Variants in RAG1 observed in about 807,000 individuals in gnomAD.
RAG1 encodes V(D)J recombination-activating protein 1.
RAG1 carries 35 observed loss-of-function variants against 62.7 expected under a neutral mutation model. The observed-to-expected ratio is 0.56, with a 90% CI of 0.43 to 0.74. The LOEUF is 0.74. Ranked by LOEUF, RAG1 falls within the 30% of genes least tolerant of loss-of-function variation. RAG1 has a pLI of 0.00. For synonymous variants in RAG1, 461 were observed against 470.3 expected, an observed-to-expected ratio of 0.98 and a Z score of 0.26; for missense variants, 1,169 against 1,278.6, an observed-to-expected ratio of 0.91 and a Z score of 1.31.
intron 1 of RAG1, among the ~76,000 whole-genome samples, chr11:36,519,793 A>G (rs1245201285): frequency 6.6e-6 from 1 of 152,102 alleles, no homozygotes; most frequent in East Asian, 1.9e-4. Context: ...AACCAAATGA[A>G]CATAACCCCT....
chr11:36,512,338 G>A (rs1159097708), intron 1 of RAG1, among the ~76,000 whole-genome samples: 1 of 152,240 alleles, frequency 6.6e-6, no homozygotes, highest in Non-Finnish European at 1.5e-5. Flanking sequence ...ATGAAGGGCA[G>A]TTGCCTTGGA....
chr11:36,520,926 T>C (rs761086338), intron 2 of RAG1, among the ~76,000 whole-genome samples: 4 of 151,974 alleles, frequency 2.6e-5, no homozygotes, highest in Non-Finnish European at 5.9e-5. Context: ...ACACTAATTA[T>C]ATGGTTTGGC....
chr11:36,559,916 T>C (rs758470135), intron 3 of RAG1, among the ~76,000 whole-genome samples: 2 of 152,228 alleles, frequency 1.3e-5, no homozygotes, highest in African/African-American at 4.8e-5. Flanking sequence ...GGAGGTGTTA[T>C]GTTTCCCTGC....
rs1564989958 is a variant in RAG1, at chr11:36,575,898, C to T, written c.2594C>T (p.Thr865Ile). ...NFARKLMTKE[T>I]VDAVCELIPS... ...GCCAGGAAGCTCATGACCAAAGAGA[C>T]TGTGGATGCAGTTTGTGAGTTAATT... Residue 865 changes from threonine to isoleucine, a missense_variant, in exon 2 of 2, where the codon ACT (threonine) becomes ATT (isoleucine). Thr to Ile is a moderately conservative substitution (Grantham distance 89). Coordinates refer to ENST00000299440, the MANE Select transcript of RAG1 (RefSeq NM_000448.3). The surrounding 1 kb of genome is among the most constrained non-coding windows in gnomAD (Gnocchi z 4.1). 6.2e-7 allele frequency: 1 copy of T among 1,614,180 alleles called. No individual in the cohort carries two copies. Among genetic ancestry groups the T allele is most frequent in the Admixed American group, 1.7e-5 (1 of 60,026 alleles).
chr11:36,526,673 G>A (rs866941641), intron 2 of RAG1, among the ~76,000 whole-genome samples: 26 of 152,142 alleles, frequency 1.7e-4, no homozygotes, highest in Middle Eastern at 3.2e-3. Flanking sequence ...TTCCACAATG[G>A]TTGAACTAAT....
Position 36,574,789 on chromosome 11 carries a change from A to G in RAG1, c.1485A>G (p.Thr495=), listed in dbSNP as rs1422420178. The G allele has an allele frequency of 6.2e-7, 1 of 1,614,124 alleles. No individual in the cohort carries two copies. The highest frequency in any genetic ancestry group is 2.2e-5 in the East Asian group (1 of 44,894). The change falls in exon 2 of 2, where the codon ACA becomes ACG. Residue 495 remains threonine, a synonymous_variant. Transcript: ENST00000299440. ...TGTACAGGACTGTGAAAGCCATCACAGGGAGACAGATTTTTCAGCCTTTGC... is the reference window on the plus strand; with the variant it reads ...TGTACAGGACTGTGAAAGCCATCACGGGGAGACAGATTTTTCAGCCTTTGC... ...HKMYRTVKAI[T]GRQIFQPLHA...
intron 3 of RAG1, among the ~76,000 whole-genome samples, chr11:36,561,678 T>A (rs1470676813): frequency 6.6e-6 from 1 of 152,192 alleles, no homozygotes; most frequent in East Asian, 1.9e-4. Flanking sequence ...TCTACCTGAT[T>A]GCTGAAGCTG....
intron 1 of RAG1, 63 bp from the exon 2 acceptor site, chr11:36,573,228 T>A: frequency 6.8e-7 from 1 of 1,463,566 alleles, no homozygotes; most frequent in South Asian, 1.2e-5. Context: ...TTTTATTATT[T>A]ATAAGATACA....
chr11:36,519,513 A>G (rs1449610135), intron 1 of RAG1, among the ~76,000 whole-genome samples: 1 of 152,248 alleles, frequency 6.6e-6, no homozygotes, highest in Non-Finnish European at 1.5e-5. Context: ...TAAATTAACT[A>G]TTCCTCTAAG....
rs1429787378 is a variant in RAG1, at chr11:36,575,762, A to G, written c.2458A>G (p.Lys820Glu). 6.2e-7 allele frequency: 1 copy of G among 1,614,218 alleles called. No individual in the cohort carries two copies. The highest frequency in any genetic ancestry group is 1.1e-5 in the South Asian group (1 of 91,090). ...IFQLEIGEVYKNPNASKEERK... is the reference protein window; with the variant it reads ...IFQLEIGEVYENPNASKEERK... ...CCAGCTAGAGATAGGGGAAGTGTAT[A>G]AGAATCCCAATGCTTCCAAAGAGGA... is the stretch of plus-strand genomic sequence containing the variant. Residue 820 changes from lysine to glutamate, a missense_variant, in exon 2 of 2, where the codon AAG becomes GAG. Coordinates refer to ENST00000299440, the MANE Select transcript of RAG1 (RefSeq NM_000448.3). This position sits in a 1 kb window ranked among gnomAD's most constrained non-coding sequence, Gnocchi z 4.1.
intron 3 of RAG1, among the ~76,000 whole-genome samples, chr11:36,562,039 C>T (rs574050963): frequency 5.1e-4 from 77 of 152,304 alleles, no homozygotes; most frequent in African/African-American, 1.9e-3. Context: ...CAGGGAAAGT[C>T]ATGTTCCCTG....
intron 3 of RAG1, among the ~76,000 whole-genome samples, chr11:36,549,753 C>G (rs886977702): frequency 1.1e-4 from 16 of 152,172 alleles, no homozygotes; most frequent in Non-Finnish European, 2.2e-4. Flanking sequence ...ACCCAGCAAT[C>G]TCATTACTGA....
At chr11:36,526,068 G>A (rs949468697) in intron 2 of RAG1, among the ~76,000 whole-genome samples, 2 of 152,094 alleles carry the variant, frequency 1.3e-5, no homozygotes, top group African/African-American at 4.8e-5. Flanking sequence ...CTCATATATT[G>A]TTGAAGTCTG....
At position 36,574,725 on chromosome 11, in the gene RAG1, G is replaced by A. The variant is rs199474686; in HGVS notation, c.1421G>A (p.Arg474His). 4.1e-5 allele frequency: 66 copies of A among 1,614,244 alleles called. No individual in the cohort carries two copies. Among genetic ancestry groups the A allele is most frequent in the South Asian group, 2.4e-4 (22 of 91,088 alleles). Residue 474 changes from arginine to histidine, a missense_variant, in exon 2 of 2, where the codon CGT becomes CAT. Arg to His is a conservative substitution (Grantham distance 29, BLOSUM62 0). Coordinates refer to ENST00000299440, the MANE Select transcript of RAG1 (RefSeq NM_000448.3). ...GLQPAVCLAIRVNTFLSCSQY... is the reference protein window; with the variant it reads ...GLQPAVCLAIHVNTFLSCSQY... ...CAGCCAGCTGTTTGCTTGGCCATCCGTGTCAACACCTTCCTCAGCTGCAGT... is the reference window on the plus strand; with the variant it reads ...CAGCCAGCTGTTTGCTTGGCCATCCATGTCAACACCTTCCTCAGCTGCAGT...
chr11:36,571,289 A>G (rs1371362011), intron 1 of RAG1, among the ~76,000 whole-genome samples: 1 of 152,206 alleles, frequency 6.6e-6, no homozygotes, highest in East Asian at 1.9e-4. Context: ...TTGGAATACC[A>G]GAGAGCAAGT....
At position 36,578,414 on chromosome 11, in the gene RAG1, C is replaced by T. The variant is rs4151044; in HGVS notation, c.*1978C>T. The T allele has an allele frequency of 0.012, 1,999 of 166,438 alleles. 25 individuals carry two copies. The highest frequency in any genetic ancestry group is 0.034 in the East Asian group (174 of 5,190). The allele number at this position is 166,438 out of a possible 1,614,324, so 10.3% of individuals were successfully genotyped here. On this transcript the variant is annotated 3_prime_UTR_variant, in exon 2 of 2. Coordinates refer to ENST00000299440, the MANE Select transcript of RAG1 (RefSeq NM_000448.3). ...GAAATGAGTGGGCCACTAAGCCACA[C>T]TTTCCCTTCATCCTGCTTAATCCTT...
chr11:36,545,602 A>C (rs576681615), intron 3 of RAG1, among the ~76,000 whole-genome samples: 1 of 152,180 alleles, frequency 6.6e-6, no homozygotes, highest in Non-Finnish European at 1.5e-5. Flanking sequence ...CAAACAGTGA[A>C]TATGTAATTT....
At chr11:36,529,141 A>T (rs1278667424) in intron 2 of RAG1, among the ~76,000 whole-genome samples, 2 of 152,202 alleles carry the variant, frequency 1.3e-5, no homozygotes, top group Non-Finnish European at 2.9e-5. Context: ...AACTCATTTT[A>T]TGAGGCCAGC....
At position 36,574,602 on chromosome 11, in the gene RAG1, T is replaced by A; in HGVS notation, c.1298T>A (p.Val433Glu). ...GAAGAAGGTGGAGATGTGAAGTCCG[T>A]GTGCATGACCTTGTTCCTGCTGGCT... ...DKEEGGDVKS[V>E]CMTLFLLALR... The change falls in exon 2 of 2, where the codon GTG becomes GAG. Residue 433 changes from valine (V) to glutamate (E), a missense_variant. Coordinates refer to ENST00000299440, the MANE Select transcript of RAG1 (RefSeq NM_000448.3). The A allele has an allele frequency of 1.9e-6, 3 of 1,614,228 alleles. No individual in the cohort carries two copies. The highest frequency in any genetic ancestry group is 2.5e-6 in the Non-Finnish European group (3 of 1,180,044).
Sources: allele counts gnomAD v4.1 joint callset (sites outside exome capture counted in the v4.1 genomes callset), GRCh38; gene constraint gnomAD v4.1.1; non-coding constraint Gnocchi (gnomAD v3.1); transcripts MANE v1.5; gene names NCBI Gene and HGNC (gene_info 2026-07-23, HGNC 2026-07-21).